CTNNA3: variants seen among roughly 807,000 people sequenced by gnomAD.
CTNNA3 encodes catenin alpha 3, also known as catenin alpha-3.
CTNNA3 carries 76 observed loss-of-function variants against 95.7 expected under a neutral mutation model. The ratio of observed to expected loss-of-function variants is 0.79; its 90% CI spans 0.66 to 0.96. The LOEUF is 0.96. Among genes scored for constraint, CTNNA3 ranks in the 40% least tolerant of loss-of-function variants. CTNNA3 has a pLI of 0.00. For missense variants in CTNNA3, 1,191 were observed against 1,089.8 expected, an observed-to-expected ratio of 1.09 and a Z score of -1.31; for synonymous variants, 431 against 374.4, an observed-to-expected ratio of 1.15 and a Z score of -1.74.
At chr10:67,439,671 T>A (rs1248611317) in intron 5 of CTNNA3, among the ~76,000 whole-genome samples, 1 of 151,962 alleles carries the variant, frequency 6.6e-6, no homozygotes, top group Non-Finnish European at 1.5e-5. Flanking sequence ...CCAAACCATA[T>A]CAGACCCCCA....
intron 12 of CTNNA3, among the ~76,000 whole-genome samples, chr10:66,378,258 G>GCATATCAAATTTCATATTC: frequency 6.6e-6 from 1 of 152,236 alleles, no homozygotes; most frequent in East Asian, 1.9e-4. Context: ...TAAACAATGT[G>GCATATCAAATTTCATATTC]CATATCAAAT....
chr10:65,967,652 A>G (rs1193544279), intron 16 of CTNNA3, among the ~76,000 whole-genome samples: 9 of 152,216 alleles, frequency 5.9e-5, no homozygotes, highest in Non-Finnish European at 1.3e-4. Context: ...AAATTTCCTT[A>G]TGAAAACCAG....
At chr10:66,755,678 A>G (rs748773408) in intron 9 of CTNNA3, among the ~76,000 whole-genome samples, 18 of 152,130 alleles carry the variant, frequency 1.2e-4, no homozygotes, top group Non-Finnish European at 2.1e-4. Flanking sequence ...GGGTGTCTAC[A>G]AGAGAAACAA....
At chr10:66,159,370 G>C (rs562229577) in intron 13 of CTNNA3, among the ~76,000 whole-genome samples, 49 of 152,078 alleles carry the variant, frequency 3.2e-4, no homozygotes, top group South Asian at 1.2e-3. Context: ...ATCATAAAGC[G>C]ATGCTAGATT....
intron 7 of CTNNA3, among the ~76,000 whole-genome samples, chr10:67,045,374 C>T (rs899522692): frequency 3.3e-5 from 5 of 152,058 alleles, no homozygotes; most frequent in African/African-American, 1.2e-4. Context: ...CAAATACCTC[C>T]ATTTTTTAAA....
intron 12 of CTNNA3, among the ~76,000 whole-genome samples, chr10:66,283,307 A>G (rs944447964): frequency 2.6e-5 from 4 of 151,840 alleles, no homozygotes; most frequent in African/African-American, 9.7e-5. Context: ...AACTTTATTC[A>G]TAGTCATCCC....
At chr10:67,076,250 G>C (rs1488481313) in intron 7 of CTNNA3, among the ~76,000 whole-genome samples, 10 of 152,150 alleles carry the variant, frequency 6.6e-5, no homozygotes, top group Admixed American at 6.5e-4. Flanking sequence ...ATTTTCCTAG[G>C]ATTAATGCTA....
At chr10:67,200,198 A>G (rs1413146064) in intron 6 of CTNNA3, among the ~76,000 whole-genome samples, 3 of 152,192 alleles carry the variant, frequency 2.0e-5, no homozygotes, top group African/African-American at 4.8e-5. Context: ...AAATGATTAA[A>G]TTTAAAGGGT....
intron 13 of CTNNA3, among the ~76,000 whole-genome samples, chr10:66,154,632 G>A (rs1000122118): frequency 2.2e-4 from 32 of 148,118 alleles, no homozygotes; most frequent in African/African-American, 7.9e-4. Flanking sequence ...TTCGTCAAAG[G>A]CAAGTGATAG....
intron 9 of CTNNA3, among the ~76,000 whole-genome samples, chr10:66,684,109 T>A (rs1306638696): frequency 6.6e-6 from 1 of 152,132 alleles, no homozygotes; most frequent in Non-Finnish European, 1.5e-5. Context: ...TCTGTCCCAC[T>A]TTTTCAATTT....
rs141028902 is a variant in CTNNA3, at chr10:66,438,950, T to C, written c.1532-59598A>G. On this transcript the variant is annotated intron_variant, in intron 11 of 17. Transcript: ENST00000433211. ...GGCTTCCCTTGGCTAGGGGAGGGAG[T>C]TACCTGACCCCTTACACTTCCCGGG... 5.7e-3 allele frequency among the ~76,000 whole-genome samples: 870 copies of C among 151,706 alleles called. 3 individuals carry two copies. The highest frequency in any genetic ancestry group is 9.6e-3 in the Non-Finnish European group (655 of 67,908).
At chr10:67,513,959 A>G (rs1839723969) in intron 5 of CTNNA3, among the ~76,000 whole-genome samples, 1 of 152,228 alleles carries the variant, frequency 6.6e-6, no homozygotes, top group Admixed American at 6.5e-5. Context: ...TTAGCAAAGT[A>G]TGTGGCCTTG....
intron 7 of CTNNA3, among the ~76,000 whole-genome samples, chr10:66,954,213 T>C (rs1848679316): frequency 6.6e-6 from 1 of 152,200 alleles, no homozygotes. Context: ...TACATTTCAG[T>C]ATCTGCTTTT....
chr10:66,775,589 T>C, intron 7 of CTNNA3, 65 bp from the exon 8 acceptor site: 1 of 1,145,012 alleles, frequency 8.7e-7, no homozygotes, highest in South Asian at 1.4e-5. Context: ...AGCAATTTGC[T>C]TTCTAAATTT....
intron 7 of CTNNA3, among the ~76,000 whole-genome samples, chr10:66,829,250 A>G (rs1842625280): frequency 6.6e-6 from 1 of 152,222 alleles, no homozygotes; most frequent in Admixed American, 6.5e-5. Flanking sequence ...ACACAGGAAT[A>G]AAGTTTAACT....
At chr10:67,297,877 G>A (rs1840110684) in intron 5 of CTNNA3, among the ~76,000 whole-genome samples, 1 of 152,204 alleles carries the variant, frequency 6.6e-6, no homozygotes, top group Admixed American at 6.5e-5. Context: ...CTTTTTAAAT[G>A]GAAAATAGTT....
rs181531956 is a variant in CTNNA3 at position 67,611,802 on chromosome 10, T to C, written c.100-4753A>G. 3.6e-3 allele frequency among the ~76,000 whole-genome samples: 547 copies of C among 152,294 alleles called. 2 individuals carry two copies. The highest frequency in any genetic ancestry group is 4.7e-3 in the Non-Finnish European group (318 of 68,030). The stretch of plus-strand genomic sequence containing the variant: ...TGAATTTCAACCTTCCTCCAATAGC[T>C]CACAGGAGCCTTCAGGGCTACTTTT... On this transcript the variant is annotated intron_variant, in intron 2 of 17. Coordinates refer to ENST00000433211, the MANE Select transcript of CTNNA3 (RefSeq NM_013266.4).
At chr10:66,418,337 A>C (rs2093163301) in intron 11 of CTNNA3, among the ~76,000 whole-genome samples, 1 of 147,942 alleles carries the variant, frequency 6.8e-6, no homozygotes, top group South Asian at 2.1e-4. Context: ...AGAAATAGTA[A>C]ACCTGAACAC....
intron 13 of CTNNA3, among the ~76,000 whole-genome samples, chr10:66,148,860 C>T (rs1285105072): frequency 2.6e-5 from 4 of 151,798 alleles, no homozygotes; most frequent in Non-Finnish European, 5.9e-5. Flanking sequence ...TATTTATATG[C>T]TATGTATATA....
Sources: gnomAD v4.1 joint callset for allele counts (sites outside exome capture counted in the v4.1 genomes callset) on GRCh38, gnomAD v4.1.1 for gene constraint, MANE v1.5 for transcripts, NCBI Gene and HGNC (gene_info 2026-07-23, HGNC 2026-07-21) for gene names.